The following UGT2A2 variants were observed in gnomAD, a reference collection of about 807,000 sequenced individuals.
The protein encoded by UGT2A2 is UDP glucuronosyltransferase family 2 member A2, also known as UDP-glucuronosyltransferase 2A2.
Under a neutral mutation model 50.7 loss-of-function variants are expected in UGT2A2, and 60 were observed. The observed-to-expected ratio is 1.18, with a 90% CI of 0.96 to 1.47. The LOEUF (loss-of-function observed/expected upper bound fraction) is 1.47. Among genes scored for constraint, UGT2A2 ranks in the 40% most tolerant of loss-of-function variants. UGT2A2 has a pLI of 0.00. For synonymous variants in UGT2A2, 242 were observed against 214.6 expected, an observed-to-expected ratio of 1.13 and a Z score of -1.11; for missense variants, 762 against 634.0, an observed-to-expected ratio of 1.20 and a Z score of -2.17.
chr4:69,631,509 A>G (rs777245799), intron 1 of UGT2A2, among the ~76,000 whole-genome samples: 8 of 152,170 alleles, frequency 5.3e-5, no homozygotes, highest in Non-Finnish European at 4.4e-5. Context: ...ACCACCAATA[A>G]TGAGAAATAG....
At chr4:69,595,360 A>G in intron 3 of UGT2A2, 111 bp from the exon 4 acceptor site, 4 of 1,272,892 alleles carry the variant, frequency 3.1e-6, no homozygotes, top group South Asian at 1.4e-5. Context: ...CGGGAATTAC[A>G]TAAGCAGTAG....
intron 4 of UGT2A2, 111 bp from the exon 5 acceptor site, chr4:69,594,807 T>C (rs975881065): frequency 7.5e-7 from 1 of 1,325,194 alleles, no homozygotes; most frequent in Admixed American, 2.6e-5. Context: ...GAAGGATACG[T>C]TTTCTACAAA....
chr4:69,594,556 C>T lies in UGT2A2; in HGVS notation c.1252G>A (p.Ala418Thr). The T allele has an allele frequency of 6.2e-7, 1 of 1,614,146 alleles. No individual in the cohort carries two copies. The highest frequency in any genetic ancestry group is 8.5e-7 in the Non-Finnish European group (1 of 1,180,036). ...GTGTTTAGGTTCACTTCCACAGCTG[C>T]TCCTTTGGCCTTCATGTGAGCAATG... ...DNIAHMKAKG[A>T]AVEVNLNTMT... The change falls in exon 5 of 6, where the codon GCA (alanine) becomes ACA (threonine). Residue 418 changes from alanine (A) to threonine (T), a missense_variant. Ala to Thr is a moderately conservative substitution (Grantham distance 58). Coordinates refer to ENST00000604629, the MANE Select transcript of UGT2A2 (RefSeq NM_001105677.2).
In UGT2A2 at chr4:69,628,757, A is replaced by C. The variant is rs547471960; in HGVS notation, c.742+10142T>G. 4.8e-4 allele frequency among the ~76,000 whole-genome samples: 72 copies of C among 149,156 alleles called. 1 individual carries two copies. Among genetic ancestry groups the C allele is most frequent in the African/African-American group, 1.6e-3 (63 of 40,422 alleles). On this transcript the variant is annotated intron_variant, in intron 1 of 5. Coordinates refer to ENST00000604629, the MANE Select transcript of UGT2A2 (RefSeq NM_001105677.2). ...AATGCCTACTTCTACTTAATACTAA[A>C]TGTAAAGTTTCAGCTTACAAAATAA...
At chr4:69,619,452 C>T (rs1015784086) in intron 1 of UGT2A2, among the ~76,000 whole-genome samples, 4 of 141,260 alleles carry the variant, frequency 2.8e-5, no homozygotes, top group Non-Finnish European at 4.6e-5. Flanking sequence ...TAAATAAAGC[C>T]AATATACAAA....
At chr4:69,620,583 C>A (rs1720692985) in intron 1 of UGT2A2, among the ~76,000 whole-genome samples, 2 of 149,904 alleles carry the variant, frequency 1.3e-5, no homozygotes, top group East Asian at 2.0e-4. Context: ...CAAGGCTATT[C>A]ATATTAAACT....
chr4:69,625,229 T>C (rs893500097), intron 1 of UGT2A2, among the ~76,000 whole-genome samples: 1 of 151,086 alleles, frequency 6.6e-6, no homozygotes, highest in African/African-American at 2.4e-5. Flanking sequence ...ATTTTCTTTT[T>C]ATTACTCTTC....
rs200411855 is a variant in UGT2A2 at position 69,639,436 on chromosome 4, A to G, written c.205T>C (p.Phe69Leu). ...GGAGAATCGGGATTGGAGTTGATGA[A>G]TAGAGTTGCTGATGAAGCCAGTACA... ...VTVLASSATL[F>L]INSNPDSPVN... The change falls in exon 1 of 6, where the codon TTC becomes CTC. Residue 69 changes from phenylalanine to leucine, a missense_variant. Phe to Leu is a conservative substitution (Grantham distance 22). Coordinates refer to ENST00000604629, the MANE Select transcript of UGT2A2 (RefSeq NM_001105677.2). 6.8e-5 allele frequency: 110 copies of G among 1,613,148 alleles called. 1 individual carries two copies. Among genetic ancestry groups the G allele is most frequent in the Admixed American group, 5.3e-4 (32 of 59,938 alleles).
rs747610816 is a variant in UGT2A2, at chr4:69,602,462, TTTATCTATCTATCTA to T, written c.743-3083_743-3069del. ...TTTTAGAATAACAAAGATTTAGGAGTTTATCTATCTATCTATCTATCTATCTATCTATCTATCTAT... is the reference window on the plus strand; with the variant it reads ...TTTTAGAATAACAAAGATTTAGGAGTTCTATCTATCTATCTATCTATCTAT... On this transcript the variant is annotated intron_variant, in intron 1 of 5. Transcript: ENST00000604629. Among the ~76,000 whole-genome samples the T allele has an allele frequency of 1.3e-4, 16 of 120,716 alleles. 4 individuals carry two copies. The highest frequency in any genetic ancestry group is 2.2e-4 in the African/African-American group (6 of 27,706). The allele number at this position is 120,716 out of a possible 152,430, so 79.2% of individuals were successfully genotyped here.
At chr4:69,594,360 G>T (rs908866932) in intron 5 of UGT2A2, 117 bp downstream of exon 5, 4 of 1,308,218 alleles carry the variant, frequency 3.1e-6, no homozygotes, top group East Asian at 5.1e-5. Flanking sequence ...TTTTATATTG[G>T]TCAGGTTATG....
intron 1 of UGT2A2, among the ~76,000 whole-genome samples, chr4:69,618,130 G>A (rs185842316): frequency 4.3e-4 from 65 of 151,288 alleles, no homozygotes; most frequent in Admixed American, 1.2e-3. Context: ...ATCCGTGTAC[G>A]TAATCATCAT....
chr4:69,627,548 A>AAGAGAG (rs780406424), intron 1 of UGT2A2, among the ~76,000 whole-genome samples: 4 of 62,590 alleles, frequency 6.4e-5, no homozygotes, highest in Non-Finnish European at 1.5e-4. Flanking sequence ...GAGAGAGAGA[A>AAGAGAG]AGAGAGAGAG....
At chr4:69,599,951 G>A (rs917104511) in intron 1 of UGT2A2, among the ~76,000 whole-genome samples, 1 of 152,134 alleles carries the variant, frequency 6.6e-6, no homozygotes, top group African/African-American at 2.4e-5. Flanking sequence ...GCAAATCAGA[G>A]GCATTGCTAG....
chr4:69,597,002 G>A lies in UGT2A2; in HGVS notation c.892-621C>T, dbSNP rs533365213. Among the ~76,000 whole-genome samples the A allele has an allele frequency of 6.8e-4, 103 of 152,192 alleles. 1 individual carries two copies. Among genetic ancestry groups the A allele is most frequent in the African/African-American group, 2.2e-3 (92 of 41,502 alleles). ...AAGGCTTAATTTAACCAATCAACAG[G>A]GTTGTTTGCAAACTCATAAAAACAG... is the stretch of plus-strand genomic sequence containing the variant. On this transcript the variant is annotated intron_variant, in intron 2 of 5. Transcript: ENST00000604629.
At chr4:69,618,221 TTG>T (rs112693693) in intron 1 of UGT2A2, among the ~76,000 whole-genome samples, 5 of 144,640 alleles carry the variant, frequency 3.5e-5, no homozygotes, top group Middle Eastern at 3.2e-3. Flanking sequence ...GTGTGTATGT[TTG>T]TGTGTGTGTG....
At chr4:69,615,948 T>C (rs763965514) in intron 1 of UGT2A2, among the ~76,000 whole-genome samples, 1 of 152,028 alleles carries the variant, frequency 6.6e-6, no homozygotes. Context: ...CAAAGAAATA[T>C]CTGTACACCC....
In UGT2A2 at chr4:69,639,521, G is replaced by T. The variant is rs984427012; in HGVS notation, c.120C>A (p.Ser40Arg). Residue 40 changes from serine (S) to arginine (R), a missense_variant, in exon 1 of 6, where the codon AGC becomes AGA. By Grantham distance (110) the Ser-to-Arg change is moderately radical. Transcript: ENST00000604629. The stretch of plus-strand genomic sequence containing the variant: ...GAATAATCTTAATATTTAACCAATG[G>T]CTACCATCTGTAGGCCAAATTAACA... ...GNVLIWPTDG[S>R]HWLNIKIILE... The T allele has an allele frequency of 3.3e-5, 54 of 1,613,166 alleles. No individual in the cohort carries two copies. Among genetic ancestry groups the T allele is most frequent in the Non-Finnish European group, 4.6e-5 (54 of 1,179,550 alleles).
chr4:69,611,953 G>A (rs1481652510), intron 1 of UGT2A2, among the ~76,000 whole-genome samples: 2 of 152,002 alleles, frequency 1.3e-5, no homozygotes, highest in African/African-American at 2.4e-5. Flanking sequence ...GAAATGTATA[G>A]CAAGAAAAAT....
In UGT2A2 at chr4:69,593,265, A is replaced by G. The variant is rs545204837; in HGVS notation, c.1331+1212T>C. Among the ~76,000 whole-genome samples, 357 of 152,204 alleles carry G rather than the reference A, an allele frequency of 2.3e-3. 1 individual carries two copies. The highest frequency in any genetic ancestry group is 8.1e-3 in the African/African-American group (336 of 41,566). On this transcript the variant is annotated intron_variant, in intron 5 of 5. Transcript: ENST00000604629. ...TTTGGAATAAATAATCTCTAATTCA[A>G]CGGTGAACACTGAGTCCCTTAAAAT...
Sources: allele counts gnomAD v4.1 joint callset (sites outside exome capture counted in the v4.1 genomes callset), GRCh38; gene constraint gnomAD v4.1.1; transcripts MANE v1.5; gene names NCBI Gene and HGNC (gene_info 2026-07-23, HGNC 2026-07-21).